The following PLCL2 variants were observed in gnomAD, a reference collection of about 807,000 sequenced individuals.
The protein encoded by PLCL2 is phospholipase C like 2.
PLCL2 carries 4 observed loss-of-function variants against 79.6 expected under a neutral mutation model. That is an observed-to-expected ratio of 0.05 (90% CI 0.02 to 0.11). The LOEUF is 0.11. Among genes scored for constraint, PLCL2 ranks in the 10% least tolerant of loss-of-function variants. The probability of loss-of-function intolerance (pLI) is 1.00; values close to 1 mark genes in which losing one functional copy is unlikely to be tolerated. For missense variants in PLCL2, 895 were observed against 1,291.0 expected, an observed-to-expected ratio of 0.69 and a Z score of 4.70; for synonymous variants, 484 against 457.7, an observed-to-expected ratio of 1.06 and a Z score of -0.73.
At chr3:17,078,436 G>C (rs1470156090) in intron 5 of PLCL2, among the ~76,000 whole-genome samples, 2 of 149,388 alleles carry the variant, frequency 1.3e-5, no homozygotes, top group Non-Finnish European at 3.0e-5. Flanking sequence ...TCTCATCTGG[G>C]GTGGCTGGGA....
intron 1 of PLCL2, among the ~76,000 whole-genome samples, chr3:16,909,963 C>T (rs1008353313): frequency 2.0e-5 from 3 of 152,148 alleles, no homozygotes; most frequent in African/African-American, 7.2e-5. Flanking sequence ...CCTTCTGTCA[C>T]CTTACCAAGA....
intron 3 of PLCL2, among the ~76,000 whole-genome samples, chr3:17,026,734 G>A (rs1313585094): frequency 1.3e-5 from 2 of 152,190 alleles, no homozygotes; most frequent in South Asian, 2.1e-4. Flanking sequence ...AGGCATGATG[G>A]TGCATGCCTT....
At position 16,952,360 on chromosome 3, in the gene PLCL2, C is replaced by CAAAAAAAAAAAAAA. The variant is rs35421244; in HGVS notation, c.328-57296_328-57283dup. ...TGCACATGTATCCCAGAACTTAAAG[C>CAAAAAAAAAAAAAA]AAAAAAAAAAAAAAAAAAAAAAAAA... On this transcript the variant is annotated intron_variant, in intron 1 of 5. Transcript: ENST00000615277. 8.9e-3 allele frequency among the ~76,000 whole-genome samples: 202 copies of CAAAAAAAAAAAAAA among 22,628 alleles called. 41 individuals are homozygous for CAAAAAAAAAAAAAA. The highest frequency in any genetic ancestry group is 9.9e-3 in the Non-Finnish European group (135 of 13,630). The allele number at this position is 22,628 out of a possible 152,430, so 14.8% of individuals were successfully genotyped here. A position where few individuals can be genotyped will look rare whatever the true frequency, so the allele number is the denominator to read the frequency against.
At chr3:16,899,375 A>C (rs1322077880) in intron 1 of PLCL2, among the ~76,000 whole-genome samples, 1 of 152,200 alleles carries the variant, frequency 6.6e-6, no homozygotes, top group African/African-American at 2.4e-5. Context: ...CATTGGGGTC[A>C]TGTTTGAAAA....
rs546785288 is a variant in PLCL2 at position 16,887,115 on chromosome 3, T to A, written c.327+1749T>A. Among the ~76,000 whole-genome samples, 11 of 152,336 alleles carry A rather than the reference T, an allele frequency of 7.2e-5. No individual in the cohort carries two copies. In the East Asian group the frequency reaches 2.1e-3, roughly 29 times the overall value. On this transcript the variant is annotated intron_variant, in intron 1 of 5. Transcript: ENST00000615277. This position sits in a 1 kb window ranked among gnomAD's most constrained non-coding sequence, Gnocchi z 4.1. ...ATATATGGAATTGGGAACTTGTCAATAGATACCATTTCTTAATTGAAGGCT... is the reference window on the plus strand; with the variant it reads ...ATATATGGAATTGGGAACTTGTCAAAAGATACCATTTCTTAATTGAAGGCT...
chr3:16,908,526 G>A (rs530601170), intron 1 of PLCL2, among the ~76,000 whole-genome samples: 2 of 152,282 alleles, frequency 1.3e-5, no homozygotes, highest in South Asian at 4.1e-4. Context: ...AACATCCCTG[G>A]ATTAGCTGAG....
Position 17,014,795 on chromosome 3 carries a change from C to T in PLCL2, c.2902C>T (p.Leu968=). ...QCMLAVSPRF[L]GPDNTPLVVL... ...CATGTTGGCGGTGTCTCCCCGCTTT[C>T]TGGGGCCCGATAACACACCCCTAGT... The change falls in exon 3 of 6, where the codon CTG becomes TTG. Residue 968 remains leucine, a synonymous_variant. Coordinates refer to ENST00000615277, the MANE Select transcript of PLCL2 (RefSeq NM_001144382.2). 3.7e-6 allele frequency: 6 copies of T among 1,614,150 alleles called. No individual in the cohort carries two copies. The highest frequency in any genetic ancestry group is 4.2e-6 in the Non-Finnish European group (5 of 1,179,972).
intron 3 of PLCL2, among the ~76,000 whole-genome samples, chr3:17,034,496 G>A (rs1312947842): frequency 6.6e-6 from 1 of 152,152 alleles, no homozygotes; most frequent in Non-Finnish European, 1.5e-5. Context: ...GGTAGTAGGA[G>A]GTTCCTCTGA....
intron 1 of PLCL2, among the ~76,000 whole-genome samples, chr3:16,993,284 T>A (rs147836822): frequency 2.0e-5 from 3 of 152,224 alleles, no homozygotes; most frequent in Non-Finnish European, 4.4e-5. Context: ...CCACTTTAGA[T>A]GTCATTCTAC....
chr3:17,030,945 A>G (rs1314707469), intron 3 of PLCL2, among the ~76,000 whole-genome samples: 1 of 152,108 alleles, frequency 6.6e-6, no homozygotes, highest in Non-Finnish European at 1.5e-5. Context: ...TAAAAGTGGT[A>G]CTATGTTTAA....
chr3:16,909,172 A>C (rs1439845309), intron 1 of PLCL2, among the ~76,000 whole-genome samples: 2 of 152,328 alleles, frequency 1.3e-5, no homozygotes, highest in Non-Finnish European at 2.9e-5. Context: ...TTTTTCTAGT[A>C]CATTTAAAAT....
intron 1 of PLCL2, among the ~76,000 whole-genome samples, chr3:16,912,314 T>C (rs1696900450): frequency 6.6e-6 from 1 of 152,200 alleles, no homozygotes; most frequent in Non-Finnish European, 1.5e-5. Flanking sequence ...GAAGCAAAAC[T>C]GACATGGAAG....
intron 3 of PLCL2, among the ~76,000 whole-genome samples, chr3:17,041,498 G>A (rs112176602): frequency 0.013 from 1,990 of 152,288 alleles, 48 homozygotes; most frequent in African/African-American, 0.045. Context: ...TAAGAAGCTA[G>A]TACACTTTTT....
At chr3:16,963,690 A>G (rs2063776985) in intron 1 of PLCL2, among the ~76,000 whole-genome samples, 2 of 152,178 alleles carry the variant, frequency 1.3e-5, no homozygotes, top group Admixed American at 6.6e-5. Flanking sequence ...TAATGCTTAC[A>G]CTTAGAATAT....
At chr3:17,042,482 G>C (rs1248820417) in intron 3 of PLCL2, among the ~76,000 whole-genome samples, 1 of 152,156 alleles carries the variant, frequency 6.6e-6, no homozygotes, top group African/African-American at 2.4e-5. Context: ...GAAGTGTGTA[G>C]GTGTTGAAGT....
chr3:16,973,054 G>A (rs1053653939), intron 1 of PLCL2, among the ~76,000 whole-genome samples: 16 of 152,086 alleles, frequency 1.1e-4, no homozygotes, highest in Non-Finnish European at 1.5e-4. Flanking sequence ...ATGCAGACTC[G>A]GTTGCGTGAT....
chr3:17,030,835 CTT>C (rs1448140944), intron 3 of PLCL2, among the ~76,000 whole-genome samples: 1 of 152,186 alleles, frequency 6.6e-6, no homozygotes, highest in East Asian at 1.9e-4. Context: ...ACTAATGATA[CTT>C]TACAGTAAGA....
intron 1 of PLCL2, among the ~76,000 whole-genome samples, chr3:16,973,355 C>A (rs1173663651): frequency 5.1e-5 from 7 of 137,798 alleles, no homozygotes; most frequent in Non-Finnish European, 1.1e-4. Context: ...CTGCCTTTAA[C>A]TTTTTTTTTT....
At chr3:17,023,476 G>A (rs1301218787) in intron 3 of PLCL2, among the ~76,000 whole-genome samples, 2 of 152,136 alleles carry the variant, frequency 1.3e-5, no homozygotes, top group Non-Finnish European at 2.9e-5. Context: ...TCTTGTGATA[G>A]TGAATAAGTC....
Sources: gnomAD v4.1 joint callset for allele counts (sites outside exome capture counted in the v4.1 genomes callset) on GRCh38, gnomAD v4.1.1 for gene constraint, Gnocchi (gnomAD v3.1) non-coding constraint, MANE v1.5 for transcripts, NCBI Gene and HGNC (gene_info 2026-07-23, HGNC 2026-07-21) for gene names.